Variants in EYA1 observed in about 807,000 individuals in gnomAD.
EYA1 encodes EYA transcriptional coactivator and phosphatase 1.
In EYA1, 16 loss-of-function variants were observed where a neutral mutation model predicts 82.0. The ratio of observed to expected loss-of-function variants is 0.20; its 90% CI spans 0.13 to 0.30. The LOEUF is 0.30. EYA1 is among the 10% of genes least tolerant of loss of function. EYA1 has a pLI of 1.00. For missense variants in EYA1, 633 were observed against 730.7 expected (o/e 0.87, Z 1.54); for synonymous variants, 261 against 264.4 (o/e 0.99, Z 0.12).
intron 9 of EYA1, among the ~76,000 whole-genome samples, chr8:71,283,546 C>T (rs540376980): frequency 2.0e-5 from 3 of 151,406 alleles, no homozygotes; most frequent in East Asian, 2.0e-4. Flanking sequence ...TTTTTTTCCA[C>T]AACCTGGCAT....
chr8:71,469,832 G>T (rs1163636082), intron 2 of EYA1, among the ~76,000 whole-genome samples: 2 of 151,968 alleles, frequency 1.3e-5, no homozygotes, highest in African/African-American at 4.8e-5. Context: ...GGATCAATCA[G>T]ATTCTTTCTC....
chr8:71,335,447 T>C (rs1348382915), intron 3 of EYA1, among the ~76,000 whole-genome samples: 1 of 152,182 alleles, frequency 6.6e-6, no homozygotes, highest in African/African-American at 2.4e-5. Context: ...TTTAAAAAAA[T>C]AATTTTTCAG....
At chr8:71,457,571 C>T (rs1031333145) in intron 2 of EYA1, among the ~76,000 whole-genome samples, 8 of 152,264 alleles carry the variant, frequency 5.3e-5, no homozygotes, top group African/African-American at 1.9e-4. Flanking sequence ...CCATGGAATA[C>T]TATGCAGCCA....
At chr8:71,223,976 A>C (rs1240660795) in intron 12 of EYA1, among the ~76,000 whole-genome samples, 2 of 152,220 alleles carry the variant, frequency 1.3e-5, no homozygotes, top group African/African-American at 4.8e-5. Flanking sequence ...AAAATTAATA[A>C]AGAGAATTAA....
chr8:71,227,082 A>G (rs1210244464), intron 12 of EYA1, among the ~76,000 whole-genome samples: 1 of 152,196 alleles, frequency 6.6e-6, no homozygotes, highest in Admixed American at 6.5e-5. Flanking sequence ...GGTATATAAC[A>G]AAGTATGAAG....
chr8:71,336,136 G>A (rs1824457390), intron 3 of EYA1, among the ~76,000 whole-genome samples: 1 of 152,122 alleles, frequency 6.6e-6, no homozygotes, highest in African/African-American at 2.4e-5. Flanking sequence ...TCACAGTAAG[G>A]GGCAGAAATA....
chr8:71,321,118 AC>A (rs1470706716), intron 6 of EYA1, among the ~76,000 whole-genome samples: 1 of 152,170 alleles, frequency 6.6e-6, no homozygotes, highest in Admixed American at 6.5e-5. Flanking sequence ...ACAGGTATTG[AC>A]CCATAAAAAG....
intron 2 of EYA1, among the ~76,000 whole-genome samples, chr8:71,498,197 T>C (rs1811560230): frequency 6.6e-6 from 1 of 152,190 alleles, no homozygotes; most frequent in Non-Finnish European, 1.5e-5. Flanking sequence ...AGTGTGGATG[T>C]AGAGTGTTCT....
At chr8:71,323,541 A>G (rs575249819) in intron 4 of EYA1, among the ~76,000 whole-genome samples, 1 of 152,312 alleles carries the variant, frequency 6.6e-6, no homozygotes, top group South Asian at 2.1e-4. Context: ...TTGTAAAACA[A>G]ACAAGGCCTG....
intron 2 of EYA1, among the ~76,000 whole-genome samples, chr8:71,473,688 T>A (rs957440951): frequency 6.6e-6 from 1 of 152,130 alleles, no homozygotes; most frequent in Non-Finnish European, 1.5e-5. Flanking sequence ...GACCCATCAA[T>A]CCCATTACTG....
At chr8:71,308,907 A>G (rs1821029259) in intron 7 of EYA1, among the ~76,000 whole-genome samples, 1 of 152,036 alleles carries the variant, frequency 6.6e-6, no homozygotes, top group Admixed American at 6.6e-5. Flanking sequence ...TCCCTCGTGT[A>G]TTTTCACAGA....
chr8:71,255,044 G>C (rs1814239271), intron 11 of EYA1, among the ~76,000 whole-genome samples: 1 of 152,108 alleles, frequency 6.6e-6, no homozygotes. Flanking sequence ...CTTAAATAGG[G>C]AGGGAAAACA....
chr8:71,372,421 C>T (rs1263005313), intron 2 of EYA1, among the ~76,000 whole-genome samples: 1 of 152,052 alleles, frequency 6.6e-6, no homozygotes, highest in Non-Finnish European at 1.5e-5. Context: ...AAGTTAACTT[C>T]CCAATCAGGT....
chr8:71,509,210 C>T (rs189277971), intron 2 of EYA1, among the ~76,000 whole-genome samples: 1 of 152,014 alleles, frequency 6.6e-6, no homozygotes, highest in Non-Finnish European at 1.5e-5. Context: ...GCCTGCGCAA[C>T]AAAGAGAGAC....
chr8:71,524,814 GA>G lies in EYA1; in HGVS notation c.33+10929del, dbSNP rs1160885641. On this transcript the variant is annotated intron_variant, in intron 2 of 18. Coordinates refer to the EYA1 transcript ENST00000643681. ...GACTATGGACAGCATATTTCAAAATGAAAAAAACCAATTAAATAAAATCAGT... is the reference window on the plus strand; with the variant it reads ...GACTATGGACAGCATATTTCAAAATGAAAAAACCAATTAAATAAAATCAGT... 2.6e-5 allele frequency among the ~76,000 whole-genome samples: 4 copies of G among 151,996 alleles called. No homozygotes were observed. The East Asian group carries it at 5.8e-4, about 22-fold the overall frequency.
intron 11 of EYA1, among the ~76,000 whole-genome samples, chr8:71,258,883 T>C (rs1814765181): frequency 6.6e-6 from 1 of 152,208 alleles, no homozygotes; most frequent in Admixed American, 6.5e-5. Context: ...GTTGTAGTCA[T>C]GTTCGTGAGG....
intron 7 of EYA1, among the ~76,000 whole-genome samples, chr8:71,308,330 C>T (rs1290690685): frequency 2.0e-5 from 3 of 152,088 alleles, no homozygotes; most frequent in East Asian, 1.9e-4. Flanking sequence ...ATTGTAACTC[C>T]GTTTTAGGCT....
chr8:71,449,106 TATGGGTA>T (rs1473699205), intron 2 of EYA1: 1 of 167,104 alleles, frequency 6.0e-6, no homozygotes, highest in Non-Finnish European at 1.4e-5. Flanking sequence ...CAGCATGAGC[TATGGGTA>T]ATGACGGTTG....
chr8:71,513,495 T>C (rs987513412), intron 2 of EYA1, among the ~76,000 whole-genome samples: 4 of 152,088 alleles, frequency 2.6e-5, no homozygotes, highest in African/African-American at 9.7e-5. Context: ...TAGATGTAAA[T>C]ATTTATTAGG....
Sources: gnomAD v4.1 joint callset for allele counts (sites outside exome capture counted in the v4.1 genomes callset) on GRCh38, gnomAD v4.1.1 for gene constraint, MANE v1.5 for transcripts, NCBI Gene and HGNC (gene_info 2026-07-23, HGNC 2026-07-21) for gene names.